SOX6: variants seen among roughly 807,000 people sequenced by gnomAD.
SOX6 encodes SRY-box transcription factor 6, also known as transcription factor SOX-6.
A neutral mutation model predicts 97.8 loss-of-function variants in SOX6; 11 were observed. The observed-to-expected ratio is 0.11, with a 90% CI of 0.07 to 0.19. The LOEUF (loss-of-function observed/expected upper bound fraction) is 0.19, where lower values mean the gene tolerates loss of function less well. Among genes scored for constraint, SOX6 ranks in the 10% least tolerant of loss-of-function variants. The pLI is 1.00. For missense variants in SOX6, 810 were observed against 1,039.5 expected (o/e 0.78, Z 3.04); for synonymous variants, 360 against 371.4 (o/e 0.97, Z 0.35).
At chr11:15,999,911 G>A (rs528283463) in intron 13 of SOX6, among the ~76,000 whole-genome samples, 2 of 152,188 alleles carry the variant, frequency 1.3e-5, no homozygotes, top group Non-Finnish European at 1.5e-5. Flanking sequence ...AAATGATACC[G>A]AATGCATTAG....
At chr11:16,132,918 A>G (rs961539230) in intron 6 of SOX6, among the ~76,000 whole-genome samples, 1 of 152,178 alleles carries the variant, frequency 6.6e-6, no homozygotes, top group African/African-American at 2.4e-5. Context: ...GCAGATTTCA[A>G]TCCTTCTTTT....
At chr11:16,625,280 A>C (rs759346832) in intron 3 of SOX6, among the ~76,000 whole-genome samples, 2 of 151,688 alleles carry the variant, frequency 1.3e-5, no homozygotes, top group Non-Finnish European at 2.9e-5. Context: ...TCTTTCACAT[A>C]AAAGACTTTA....
intron 2 of SOX6, among the ~76,000 whole-genome samples, chr11:16,716,365 G>C (rs1244763298): frequency 6.6e-6 from 1 of 152,192 alleles, no homozygotes. Flanking sequence ...GCAACATAGA[G>C]AGAACCCATC....
intron 8 of SOX6, among the ~76,000 whole-genome samples, chr11:16,097,013 T>G (rs1482446710): frequency 6.6e-6 from 1 of 151,788 alleles, no homozygotes; most frequent in African/African-American, 2.4e-5. Context: ...AAGGTGTAAA[T>G]GATTTTTCAA....
intron 9 of SOX6, among the ~76,000 whole-genome samples, chr11:16,086,905 TTTAA>T (rs1431017496): frequency 2.6e-5 from 4 of 152,238 alleles, no homozygotes; most frequent in Non-Finnish European, 5.9e-5. Context: ...TCTTTTATAA[TTTAA>T]TTAAGTTGCC....
chr11:15,980,657 C>T (rs1001038209), intron 15 of SOX6, among the ~76,000 whole-genome samples: 4 of 151,924 alleles, frequency 2.6e-5, no homozygotes, highest in Non-Finnish European at 4.4e-5. Flanking sequence ...TCCACATTTT[C>T]CCCCAGGTGT....
At chr11:16,204,796 C>G (rs1292547168) in intron 4 of SOX6, among the ~76,000 whole-genome samples, 1 of 152,066 alleles carries the variant, frequency 6.6e-6, no homozygotes. Flanking sequence ...AGAGATCATT[C>G]AACCCCCAAG....
chr11:16,153,015 T>C (rs1323670519), intron 6 of SOX6, among the ~76,000 whole-genome samples: 1 of 152,092 alleles, frequency 6.6e-6, no homozygotes, highest in Non-Finnish European at 1.5e-5. Flanking sequence ...TATAGGTGTG[T>C]GCCATCACAT....
chr11:16,553,072 G>C lies in SOX6; in HGVS notation n.609+59009C>G, dbSNP rs188396808. Among the ~76,000 whole-genome samples, 607 of 152,148 alleles carry C rather than the reference G, an allele frequency of 4.0e-3. 3 individuals carry two copies. Among genetic ancestry groups the C allele is most frequent in the Non-Finnish European group, 5.2e-3 (353 of 67,988 alleles). ...ATGTCAACTAAAGGACCGAAACATGGACTTTAAACCCAAGAATTTATCATC... is the reference window on the plus strand; with the variant it reads ...ATGTCAACTAAAGGACCGAAACATGCACTTTAAACCCAAGAATTTATCATC... On this transcript the variant is annotated intron_variant and non_coding_transcript_variant, in intron 4 of 5. Transcript: ENST00000524520.
chr11:16,502,939 A>C (rs1483446767), intron 4 of SOX6, among the ~76,000 whole-genome samples: 2 of 152,208 alleles, frequency 1.3e-5, no homozygotes, highest in East Asian at 3.8e-4. Context: ...TCAAAAGTTA[A>C]AGAGAGAATT....
intron 4 of SOX6, among the ~76,000 whole-genome samples, chr11:16,517,091 C>T (rs1860986655): frequency 6.6e-6 from 1 of 150,674 alleles, no homozygotes; most frequent in Non-Finnish European, 1.5e-5. Context: ...ATGATTATCT[C>T]AATAGATGCA....
In SOX6 at chr11:16,607,326, C is replaced by A. The variant is rs1423656733; in HGVS notation, n.609+4755G>T. 1 of 152,730 alleles carries A rather than the reference C, an allele frequency of 6.5e-6. No individual in the cohort carries two copies. Among genetic ancestry groups the A allele is most frequent in the Admixed American group, 6.5e-5 (1 of 15,290 alleles). The allele number at this position is 152,730 out of a possible 1,614,324, so 9.5% of individuals were successfully genotyped here. On this transcript the variant is annotated intron_variant and non_coding_transcript_variant, in intron 4 of 5. Transcript: ENST00000524520. This position sits in a 1 kb window ranked among gnomAD's most constrained non-coding sequence, Gnocchi z 6.5. ...TCTGCCTCCCTCGCTCTCGAGATCG[C>A]TCGCTCCGTCCCGGTTACCTGGGCG...
intron 1 of SOX6, among the ~76,000 whole-genome samples, chr11:16,433,006 T>C (rs1859299123): frequency 6.6e-6 from 1 of 152,076 alleles, no homozygotes; most frequent in Non-Finnish European, 1.5e-5. Context: ...TAGGGCTACA[T>C]GATTTCTGCT....
chr11:16,299,534 T>C (rs557935064), intron 3 of SOX6, among the ~76,000 whole-genome samples: 9 of 152,298 alleles, frequency 5.9e-5, no homozygotes, highest in African/African-American at 2.2e-4. Context: ...CTGGTTAATA[T>C]TTAACATTCT....
At chr11:16,646,714 A>C (rs2134009698) in intron 3 of SOX6, among the ~76,000 whole-genome samples, 1 of 152,270 alleles carries the variant, frequency 6.6e-6, no homozygotes, top group African/African-American at 2.4e-5. Context: ...GAATGAGAAC[A>C]TATGATGTTT....
intron 1 of SOX6, chr11:16,402,758 T>C: frequency 6.2e-7 from 1 of 1,608,134 alleles, no homozygotes; most frequent in Non-Finnish European, 8.5e-7. Flanking sequence ...CTAGAAATAT[T>C]AGGAAAAAAA....
chr11:16,371,387 G>C (rs1350896158), intron 1 of SOX6, among the ~76,000 whole-genome samples: 1 of 151,770 alleles, frequency 6.6e-6, no homozygotes, highest in Non-Finnish European at 1.5e-5. Flanking sequence ...TCCACCCTGG[G>C]TGCTCCCTAT....
At chr11:16,231,684 T>C (rs1852855436) in intron 4 of SOX6, among the ~76,000 whole-genome samples, 1 of 151,766 alleles carries the variant, frequency 6.6e-6, no homozygotes, top group Non-Finnish European at 1.5e-5. Context: ...TAAAAATGTT[T>C]TCTGTTTTCA....
intron 1 of SOX6, among the ~76,000 whole-genome samples, chr11:16,420,536 T>A (rs943517791): frequency 6.6e-6 from 1 of 152,176 alleles, no homozygotes; most frequent in Admixed American, 6.5e-5. Flanking sequence ...CAGAGAACTT[T>A]CTGATCTAAC....
Sources: allele counts gnomAD v4.1 joint callset (sites outside exome capture counted in the v4.1 genomes callset), GRCh38; gene constraint gnomAD v4.1.1; non-coding constraint Gnocchi (gnomAD v3.1); transcripts MANE v1.5; gene names NCBI Gene and HGNC (gene_info 2026-07-23, HGNC 2026-07-21).